Variants in WFDC11 observed in about 807,000 individuals in gnomAD.
WFDC11 encodes the protein protein WFDC11.
A neutral mutation model predicts 9.9 loss-of-function variants in WFDC11; 9 were observed. That is an observed-to-expected ratio of 0.91 (90% CI 0.55 to 1.58). The LOEUF (loss-of-function observed/expected upper bound fraction) is 1.58, where lower values mean the gene tolerates loss of function less well. WFDC11 is among the 40% of genes most tolerant of loss of function. The pLI is 0.00. For missense variants in WFDC11, 106 were observed against 101.7 expected (o/e 1.04, Z -0.18); for synonymous variants, 32 against 33.3 (o/e 0.96, Z 0.13).
intron 2 of WFDC11, among the ~76,000 whole-genome samples, chr20:45,656,631 C>A (rs1344622927): frequency 6.6e-6 from 1 of 151,594 alleles, no homozygotes; most frequent in Admixed American, 6.6e-5. Context: ...AAGGAAACTA[C>A]CATCAGAGTG....
intron 2 of WFDC11, among the ~76,000 whole-genome samples, chr20:45,651,781 G>T (rs1402242846): frequency 6.6e-6 from 1 of 152,228 alleles, no homozygotes; most frequent in Non-Finnish European, 1.5e-5. Flanking sequence ...GGCACACCAG[G>T]AGATTATATC....
chr20:45,657,730 G>GT (rs887865350), intron 2 of WFDC11, among the ~76,000 whole-genome samples: 1 of 152,018 alleles, frequency 6.6e-6, no homozygotes, highest in Non-Finnish European at 1.5e-5. Flanking sequence ...TCTCTTTAAT[G>GT]TTTTTTATTT....
intron 4 of WFDC11, 69 bp from the exon 5 acceptor site, chr20:45,648,808 C>T: frequency 6.7e-7 from 1 of 1,481,944 alleles, no homozygotes; most frequent in Non-Finnish European, 9.4e-7. Flanking sequence ...ATTCCCCCTG[C>T]TTAATAGTAT....
intron 2 of WFDC11, among the ~76,000 whole-genome samples, chr20:45,652,757 A>T (rs1250661244): frequency 1.3e-5 from 2 of 152,244 alleles, no homozygotes; most frequent in African/African-American, 4.8e-5. Flanking sequence ...GGAGCTGAAA[A>T]CCAAGGCATG....
chr20:45,660,948 G>C (rs2145621309), intron 2 of WFDC11, among the ~76,000 whole-genome samples: 1 of 152,204 alleles, frequency 6.6e-6, no homozygotes, highest in East Asian at 1.9e-4. Context: ...GGGATGGCTG[G>C]GTCAAATGGT....
At chr20:45,660,654 G>C (rs1042706164) in intron 2 of WFDC11, among the ~76,000 whole-genome samples, 1 of 152,106 alleles carries the variant, frequency 6.6e-6, no homozygotes, top group Admixed American at 6.6e-5. Context: ...CTATGAGTGA[G>C]AATACGCGGT....
At chr20:45,668,264 G>A (rs932068034) in intron 1 of WFDC11, among the ~76,000 whole-genome samples, 22 of 152,310 alleles carry the variant, frequency 1.4e-4, no homozygotes, top group Admixed American at 1.4e-3. Context: ...GACTGTGAGA[G>A]GCTCTGAGTA....
In WFDC11 at chr20:45,650,528, C is replaced by T. The variant is rs772311810; in HGVS notation, c.73G>A (p.Gly25Arg). The change falls in exon 3 of 5, where the codon GGA becomes AGA. Residue 25 changes from glycine (G) to arginine (R), a missense_variant. Physicochemically the swap from Gly to Arg is moderately radical, Grantham distance 125. Coordinates refer to ENST00000324384, the MANE Select transcript of WFDC11 (RefSeq NM_147197.2). Reference protein sequence around the residue: ...FFCTVLLSVLGEMRKKRYDRK... With the variant: ...FFCTVLLSVLREMRKKRYDRK... ...TCATATCTTTTCTTCCTCATTTCTC[C>T]CAGCACAGACAGTAGCACCGTACAG... 1.2e-6 allele frequency: 2 copies of T among 1,614,070 alleles called. No homozygotes were observed.
chr20:45,656,322 A>G (rs1050576764), intron 2 of WFDC11, among the ~76,000 whole-genome samples: 1 of 152,176 alleles, frequency 6.6e-6, no homozygotes, highest in East Asian at 1.9e-4. Context: ...CCTGAGAAAA[A>G]CAAGCAATGG....
chr20:45,650,683 G>C lies in WFDC11; in HGVS notation c.-51-32C>G. On this transcript the variant is annotated intron_variant, in intron 2 of 4. Coordinates refer to ENST00000324384, the MANE Select transcript of WFDC11 (RefSeq NM_147197.2). ...ATCAAGACATATAAATAGGGAAAGA[G>C]AGGTGTGAAGCAAGAGAAAGTGCTT... 4.3e-6 allele frequency: 5 copies of C among 1,161,056 alleles called. No individual in the cohort carries two copies. In the Middle Eastern group the frequency reaches 7.7e-4, roughly 179 times the overall value. 71.9% of individuals were successfully genotyped at this position (1,161,056 alleles called of 1,614,324 possible).
chr20:45,653,075 G>T (rs1982846615), intron 2 of WFDC11, among the ~76,000 whole-genome samples: 1 of 151,032 alleles, frequency 6.6e-6, no homozygotes, highest in East Asian at 2.0e-4. Flanking sequence ...TCAGGAAATA[G>T]AATGCCACAA....
chr20:45,650,580 G>C lies in WFDC11; in HGVS notation c.21C>G (p.Leu7=). Reference sequence around the variant, plus strand: ...AGAATGTCATGAGCATGGGTATCCAGAGCTTCATGAGGCTGACCATATGTG... The same window carrying C: ...AGAATGTCATGAGCATGGGTATCCACAGCTTCATGAGGCTGACCATATGTG... MVSLMK[L]WIPMLMTFFC... The change falls in exon 3 of 5, where the codon CTC becomes CTG. Residue 7 remains leucine (L), a synonymous_variant. Coordinates refer to ENST00000324384, the MANE Select transcript of WFDC11 (RefSeq NM_147197.2). 1 of 1,614,110 alleles carries C rather than the reference G, an allele frequency of 6.2e-7. No individual in the cohort carries two copies. The highest frequency in any genetic ancestry group is 8.5e-7 in the Non-Finnish European group (1 of 1,179,986).
At chr20:45,667,903 G>A (rs923987936) in intron 1 of WFDC11, among the ~76,000 whole-genome samples, 6 of 152,220 alleles carry the variant, frequency 3.9e-5, no homozygotes, top group Non-Finnish European at 2.9e-5. Context: ...GAATCACCCA[G>A]TTGGACACCA....
chr20:45,659,196 AG>A (rs1259471897), intron 2 of WFDC11, among the ~76,000 whole-genome samples: 1 of 152,240 alleles, frequency 6.6e-6, no homozygotes, highest in Non-Finnish European at 1.5e-5. Flanking sequence ...TCTTTATAGC[AG>A]CATGATTTAT....
At chr20:45,655,956 A>T (rs1468978556) in intron 2 of WFDC11, among the ~76,000 whole-genome samples, 1 of 152,204 alleles carries the variant, frequency 6.6e-6, no homozygotes, top group African/African-American at 2.4e-5. Context: ...ATGGAATAAC[A>T]TTCCATGCTC....
intron 2 of WFDC11, among the ~76,000 whole-genome samples, chr20:45,658,245 C>A (rs960015345): frequency 6.6e-6 from 1 of 152,062 alleles, no homozygotes; most frequent in African/African-American, 2.4e-5. Context: ...TAAGACCTAT[C>A]ATCTTAACAA....
chr20:45,665,314 T>A (rs1983164195), intron 2 of WFDC11, among the ~76,000 whole-genome samples: 1 of 152,238 alleles, frequency 6.6e-6, no homozygotes, highest in Non-Finnish European at 1.5e-5. Context: ...TAGCCATTCA[T>A]CTGACTTTTT....
chr20:45,659,735 A>T (rs1262686914), intron 2 of WFDC11, among the ~76,000 whole-genome samples: 1 of 152,138 alleles, frequency 6.6e-6, no homozygotes, highest in Non-Finnish European at 1.5e-5. Flanking sequence ...CCATTTGTCA[A>T]TTTTGGCTTT....
intron 2 of WFDC11, among the ~76,000 whole-genome samples, chr20:45,652,853 G>A (rs1314819132): frequency 2.0e-5 from 3 of 152,190 alleles, no homozygotes; most frequent in Non-Finnish European, 4.4e-5. Flanking sequence ...TGAAATGAAT[G>A]AAATGAAGCG....
Sources: allele counts gnomAD v4.1 joint callset (sites outside exome capture counted in the v4.1 genomes callset), GRCh38; gene constraint gnomAD v4.1.1; transcripts MANE v1.5; gene names NCBI Gene and HGNC (gene_info 2026-07-23, HGNC 2026-07-21).